LITAF: variants seen among roughly 807,000 people sequenced by gnomAD.
The protein encoded by LITAF is lipopolysaccharide induced TNF factor.
LITAF carries 9 observed loss-of-function variants against 14.5 expected under a neutral mutation model. The ratio of observed to expected loss-of-function variants is 0.62; its 90% CI spans 0.37 to 1.08. The LOEUF (loss-of-function observed/expected upper bound fraction) is 1.08. LITAF is among the 50% of genes least tolerant of loss of function. The pLI is 0.01. For synonymous variants in LITAF, 98 were observed against 88.2 expected (o/e 1.11, Z -0.62); for missense variants, 206 against 213.4 (o/e 0.97, Z 0.22).
At chr16:11,620,174 AAAAAAAAAAG>A (rs1178125411) in intron 3 of LITAF, among the ~76,000 whole-genome samples, 1 of 151,664 alleles carries the variant, frequency 6.6e-6, no homozygotes, top group Non-Finnish European at 1.5e-5. Context: ...TCTCAAAAAA[AAAAAAAAAAG>A]AAAAGAAAAG....
intron 3 of LITAF, among the ~76,000 whole-genome samples, chr16:11,614,305 T>A (rs1256698226): frequency 6.7e-6 from 1 of 150,350 alleles, no homozygotes; most frequent in Non-Finnish European, 1.5e-5. Context: ...TTTCTTTTTT[T>A]TTTTTTTTTC....
At chr16:11,603,022 G>C, upstream of LITAF, among the ~76,000 whole-genome samples, 1 of 152,114 alleles carries the variant, frequency 6.6e-6, no homozygotes. Context: ...GCTGAGGTGA[G>C]AGGGTCCCTT....
At position 11,610,159 on chromosome 16, in the gene LITAF, C is replaced by A. The variant is rs959933026; in HGVS notation, c.85+23374G>T. Among the ~76,000 whole-genome samples, 3 of 152,268 alleles carry A rather than the reference C, an allele frequency of 2.0e-5. No individual in the cohort carries two copies. The East Asian group carries it at 5.8e-4, about 29-fold the overall frequency. ...CAGGAGGACTGGGTGGTGGGGGGACCCCATAAAGAAGCAAGTGTGTGAGCA... is the reference window on the plus strand; with the variant it reads ...CAGGAGGACTGGGTGGTGGGGGGACACCATAAAGAAGCAAGTGTGTGAGCA... On this transcript the variant is annotated intron_variant, in intron 3 of 3. Coordinates refer to the LITAF transcript ENST00000574848.
At chr16:11,588,879 C>CCTTCCTCCCTTCCTCG (rs1259253726), upstream of LITAF, among the ~76,000 whole-genome samples, 4 of 151,864 alleles carry the variant, frequency 2.6e-5, no homozygotes, top group Non-Finnish European at 4.4e-5. Flanking sequence ...TTCCTTCCTC[C>CCTTCCTCCCTTCCTCG]CTTCCTCCTT....
chr16:11,595,912 T>A (rs2064881746), intron 1 of LITAF, among the ~76,000 whole-genome samples: 1 of 152,166 alleles, frequency 6.6e-6, no homozygotes, highest in Non-Finnish European at 1.5e-5. Flanking sequence ...TCATTTGCTA[T>A]TTCTTTGGAA....
In LITAF at chr16:11,553,476, G is replaced by A. The variant is rs868568070; in HGVS notation, c.377+57C>T. ...ATGGTGCAGTTGAGAACCCACCCCC[G>A]CCAGCACCCAGAGAGAAGGGCAGGA... On this transcript the variant is annotated intron_variant, in intron 3 of 3. Coordinates refer to ENST00000622633, the MANE Select transcript of LITAF (RefSeq NM_001136472.2). This position sits in a 1 kb window ranked among gnomAD's most constrained non-coding sequence, Gnocchi z 7.7. The A allele has an allele frequency of 9.5e-6, 15 of 1,577,210 alleles. No individual in the cohort carries two copies. Among genetic ancestry groups the A allele is most frequent in the South Asian group, 3.3e-5 (3 of 89,856 alleles).
At chr16:11,618,559 G>A (rs979478785) in intron 3 of LITAF, among the ~76,000 whole-genome samples, 1 of 152,204 alleles carries the variant, frequency 6.6e-6, no homozygotes, top group Non-Finnish European at 1.5e-5. Flanking sequence ...CCGGGCTTTC[G>A]CTGTGTGCGA....
At chr16:11,592,435 G>C (rs939162887) in intron 1 of LITAF, among the ~76,000 whole-genome samples, 1 of 151,914 alleles carries the variant, frequency 6.6e-6, no homozygotes, top group Non-Finnish European at 1.5e-5. Flanking sequence ...AATTAGCCAG[G>C]CATGGTGACA....
At chr16:11,562,725 T>C (rs538134932) in intron 1 of LITAF, among the ~76,000 whole-genome samples, 79 of 152,082 alleles carry the variant, frequency 5.2e-4, no homozygotes, top group African/African-American at 1.8e-3. Flanking sequence ...ATTCAGACCA[T>C]GTCTCTACAA....
At chr16:11,628,009 C>CAAAAAAA (rs34480494) in intron 3 of LITAF, among the ~76,000 whole-genome samples, 1 of 54,750 alleles carries the variant, frequency 1.8e-5, no homozygotes, top group African/African-American at 9.8e-5. Context: ...GAGACTCTGT[C>CAAAAAAA]AAAAAAAAAA....
In LITAF at chr16:11,586,883, C is replaced by A; in HGVS notation, c.-6+3G>T. 1 of 150,748 alleles carries A rather than the reference C, an allele frequency of 6.6e-6. No individual in the cohort carries two copies. The highest frequency in any genetic ancestry group is 1.9e-4 in the South Asian group (1 of 5,392). 9.3% of individuals were successfully genotyped at this position (150,748 alleles called of 1,614,324 possible). A position where few individuals can be genotyped will look rare whatever the true frequency, so the allele number is the denominator to read the frequency against. ...CGCCCCGGCGTCCCCGCGCCGCACT[C>A]ACCGCCGCCCGCGCCGCCTGTCGAG... On this transcript the variant is annotated splice_donor_region_variant and intron_variant, in intron 1 of 3. Coordinates refer to ENST00000622633, the MANE Select transcript of LITAF (RefSeq NM_001136472.2). The surrounding 1 kb of genome is among the most constrained non-coding windows in gnomAD (Gnocchi z 6.5).
chr16:11,612,336 C>G (rs1310467084), intron 3 of LITAF, among the ~76,000 whole-genome samples: 1 of 152,212 alleles, frequency 6.6e-6, no homozygotes, highest in Non-Finnish European at 1.5e-5. Context: ...CCGTCCTCAT[C>G]ATTCTTGTGA....
chr16:11,596,128 G>T (rs1321477900), intron 1 of LITAF, among the ~76,000 whole-genome samples: 1 of 152,104 alleles, frequency 6.6e-6, no homozygotes, highest in Non-Finnish European at 1.5e-5. Flanking sequence ...TAATTAATGG[G>T]TCAACCCTTC....
At chr16:11,583,616 A>G (rs1257861849) in intron 1 of LITAF, among the ~76,000 whole-genome samples, 3 of 152,150 alleles carry the variant, frequency 2.0e-5, no homozygotes, top group Non-Finnish European at 2.9e-5. Flanking sequence ...ACACTTTAAT[A>G]TTTTTTAATA....
upstream of LITAF, among the ~76,000 whole-genome samples, chr16:11,590,948 G>C (rs2064842730): frequency 1.7e-5 from 2 of 116,486 alleles, 1 homozygote; most frequent in African/African-American, 8.3e-5. Flanking sequence ...GGCCAGGCTG[G>C]TCTCGAACTC....
intron 1 of LITAF, among the ~76,000 whole-genome samples, chr16:11,596,358 G>C (rs1339406000): frequency 6.6e-6 from 1 of 151,308 alleles, no homozygotes; most frequent in Non-Finnish European, 1.5e-5. Flanking sequence ...GTGTCCTCTT[G>C]GCCACAGGGA....
Position 11,634,966 on chromosome 16 carries a change from G to A in LITAF, c.-21+859C>T, listed in dbSNP as rs757610192. On this transcript the variant is annotated intron_variant, in intron 2 of 3. Coordinates refer to the LITAF transcript ENST00000574848. This position sits in a 1 kb window ranked among gnomAD's most constrained non-coding sequence, Gnocchi z 4.1. Reference sequence around the variant, plus strand: ...GGAGAATCGATTGAACCCGGGAAGCGGAGGTTGCAGAGAGCTGAGATCACG... The same window carrying A: ...GGAGAATCGATTGAACCCGGGAAGCAGAGGTTGCAGAGAGCTGAGATCACG... Among the ~76,000 whole-genome samples, 12 of 152,024 alleles carry A rather than the reference G, an allele frequency of 7.9e-5. No individual in the cohort carries two copies. The highest frequency in any genetic ancestry group is 2.7e-4 in the African/African-American group (11 of 41,388).
intron 1 of LITAF, chr16:11,636,163 C>CG (rs2065137274): frequency 6.6e-6 from 1 of 151,994 alleles, no homozygotes; most frequent in Non-Finnish European, 1.5e-5. Context: ...TCCTCGGAGC[C>CG]GGGCTGGGGC....
intron 1 of LITAF, among the ~76,000 whole-genome samples, chr16:11,579,437 G>A (rs939844576): frequency 6.6e-6 from 1 of 150,462 alleles, no homozygotes; most frequent in Non-Finnish European, 1.5e-5. Context: ...CGGCCTGGGC[G>A]ACAGAGCGAG....
Sources: allele counts gnomAD v4.1 joint callset (sites outside exome capture counted in the v4.1 genomes callset), GRCh38; gene constraint gnomAD v4.1.1; non-coding constraint Gnocchi (gnomAD v3.1); transcripts MANE v1.5; gene names NCBI Gene and HGNC (gene_info 2026-07-23, HGNC 2026-07-21).